Variants in TRMT2A observed in about 807,000 individuals in gnomAD.
The protein encoded by TRMT2A is tRNA (uracil-5-)-methyltransferase homolog A.
Under a neutral mutation model 59.3 loss-of-function variants are expected in TRMT2A, and 60 were observed. The observed-to-expected ratio is 1.01, with a 90% confidence interval of 0.82 to 1.26. The LOEUF (loss-of-function observed/expected upper bound fraction) is 1.26. Ranked by LOEUF, TRMT2A falls within the 50% of genes most tolerant of loss-of-function variation. The pLI is 0.00. For synonymous variants in TRMT2A, 403 were observed against 353.7 expected, an observed-to-expected ratio of 1.14 and a Z score of -1.56; for missense variants, 863 against 845.2, an observed-to-expected ratio of 1.02 and a Z score of -0.26.
chr22:20,117,071 C>G lies in TRMT2A; in HGVS notation c.-165G>C. On this transcript the variant is annotated 5_prime_UTR_variant, in exon 1 of 12. Coordinates refer to ENST00000252136, the MANE Select transcript of TRMT2A (RefSeq NM_022727.6). ...GCGAGGTCGCCGCCACCCCCGGCTTCGCCCCAGGCGGGGCGGGACTCGAAC... is the reference window on the plus strand; with the variant it reads ...GCGAGGTCGCCGCCACCCCCGGCTTGGCCCCAGGCGGGGCGGGACTCGAAC... 1.1e-6 allele frequency: 1 copy of G among 905,784 alleles called. No individual in the cohort carries two copies. The highest frequency in any genetic ancestry group is 1.7e-6 in the Non-Finnish European group (1 of 597,914). The allele number at this position is 905,784 out of a possible 1,614,324, so 56.1% of individuals were successfully genotyped here.
At position 20,116,882 on chromosome 22, in the gene TRMT2A, C is replaced by G; in HGVS notation, c.24+1G>C. On this transcript the variant is annotated splice_donor_variant, in intron 1 of 11. Coordinates refer to ENST00000252136, the MANE Select transcript of TRMT2A (RefSeq NM_022727.6). LOFTEE classifies it high-confidence loss of function. ...CTACCCAGCGTCTCCCCGCACTCTACCTCGTTGTCGAGGTTCTCACTCATC... is the reference window on the plus strand; with the variant it reads ...CTACCCAGCGTCTCCCCGCACTCTAGCTCGTTGTCGAGGTTCTCACTCATC... 6.5e-7 allele frequency: 1 copy of G among 1,542,202 alleles called. No homozygotes were observed. The highest frequency in any genetic ancestry group is 1.7e-5 in the Admixed American group (1 of 57,392).
At chr22:20,113,566 G>A in intron 8 of TRMT2A, 59 bp from the exon 9 acceptor site, 2 of 1,610,650 alleles carry the variant, frequency 1.2e-6, no homozygotes, top group East Asian at 2.2e-5. Context: ...GGGGCCCTGT[G>A]GGCAGCAAAG....
rs1214746925 is a variant in TRMT2A, at chr22:20,112,775, T to TA, written c.1665dup (p.Asn556Ter). On this transcript the variant is annotated frameshift_variant, in exon 12 of 12. Coordinates refer to ENST00000252136, the MANE Select transcript of TRMT2A (RefSeq NM_022727.6). LOFTEE classifies it low-confidence loss of function (END_TRUNC). ...CGGAAGGGAATGCCCTTCACCCGGT[T>TA]AGATGGGGCTCTGCAGAGGCTGTGG... 1 of 1,613,282 alleles carries TA rather than the reference T, an allele frequency of 6.2e-7. No homozygotes were observed. The highest frequency in any genetic ancestry group is 2.2e-5 in the East Asian group (1 of 44,878).
intron 8 of TRMT2A, 65 bp downstream of exon 8, chr22:20,113,621 G>C (rs909242898): frequency 1.3e-6 from 2 of 1,599,176 alleles, no homozygotes; most frequent in African/African-American, 2.7e-5. Context: ...TGGTGACTTT[G>C]AGCTGGGGTC....
At position 20,112,508 on chromosome 22, in the gene TRMT2A, C is replaced by T. The variant is rs533222701; in HGVS notation, c.*55G>A. On this transcript the variant is annotated 3_prime_UTR_variant, in exon 12 of 12. Coordinates refer to ENST00000252136, the MANE Select transcript of TRMT2A (RefSeq NM_022727.6). The stretch of plus-strand genomic sequence containing the variant: ...CCTGGCCAGCAAGCCATGCCTTCCC[C>T]GCCCCTGGGGCCCTGGGAGCCCTTC... The T allele has an allele frequency of 2.0e-4, 312 of 1,567,644 alleles. 1 individual carries two copies. The highest frequency in any genetic ancestry group is 7.4e-4 in the Admixed American group (40 of 54,106).
Position 20,116,886 on chromosome 22 carries a change from G to C in TRMT2A, c.21C>G (p.Asn7Lys). Reference protein sequence around the residue: MSENLDNEGPKPMESCG... With the variant: MSENLDKEGPKPMESCG... ...CCAGCGTCTCCCCGCACTCTACCTC[G>C]TTGTCGAGGTTCTCACTCATCGCCC... Residue 7 changes from asparagine (N) to lysine (K), a missense_variant, in exon 1 of 12, where the codon AAC becomes AAG. Coordinates refer to ENST00000252136, the MANE Select transcript of TRMT2A (RefSeq NM_022727.6). 6.3e-7 allele frequency: 1 copy of C among 1,594,900 alleles called. No homozygotes were observed. Among genetic ancestry groups the C allele is most frequent in the South Asian group, 1.1e-5 (1 of 88,870 alleles).
chr22:20,114,288 A>G (rs574778810), intron 7 of TRMT2A, among the ~76,000 whole-genome samples: 2 of 152,132 alleles, frequency 1.3e-5, no homozygotes, highest in Non-Finnish European at 2.9e-5. Flanking sequence ...CCCAGAGGCC[A>G]CCATGGCCTC....
At chr22:20,113,400 T>TCCCCCCCCCCCCCCCCCGCCCTG in intron 9 of TRMT2A, 32 bp downstream of exon 9, 4 of 1,049,434 alleles carry the variant, frequency 3.8e-6, no homozygotes, top group East Asian at 2.7e-5. Flanking sequence ...GCTGCCCCCA[T>TCCCCCCCCCCCCCCCCCGCCCTG]CCCCACCCCC....
In TRMT2A at chr22:20,117,132, T is replaced by C. The variant is rs1324448531; in HGVS notation, c.-226A>G. 6.8e-6 allele frequency: 4 copies of C among 584,116 alleles called. No homozygotes were observed. Among genetic ancestry groups the C allele is most frequent in the Non-Finnish European group, 5.6e-6 (2 of 355,248 alleles). The allele number at this position is 584,116 out of a possible 1,614,324, so 36.2% of individuals were successfully genotyped here. ...CAGGTCCGGGTCTCAGGCTTGGGGC[T>C]GTACCGCCCGCCCGCCAGGGGCCCG... On this transcript the variant is annotated 5_prime_UTR_variant, in exon 1 of 12. Coordinates refer to ENST00000252136, the MANE Select transcript of TRMT2A (RefSeq NM_022727.6).
chr22:20,115,345 C>T lies in TRMT2A; in HGVS notation c.811G>A (p.Ala271Thr), dbSNP rs1455587549. The T allele has an allele frequency of 1.2e-6, 2 of 1,612,808 alleles. No homozygotes were observed. The highest frequency in any genetic ancestry group is 1.7e-6 in the Non-Finnish European group (2 of 1,180,008). Reference sequence around the variant, plus strand: ...ACGGTGTCAAACGGGGCTGCCACAGCACACGTCCCGCCCTTGTACTTGCCG... The same window carrying T: ...ACGGTGTCAAACGGGGCTGCCACAGTACACGTCCCGCCCTTGTACTTGCCG... ...RLGKYKGGTC[A>T]VAAPFDTVHI... is the part of the protein sequence containing the mutation. Residue 271 changes from alanine to threonine, a missense_variant, in exon 4 of 12, where the codon GCT becomes ACT. Transcript: ENST00000252136.
chr22:20,115,934 C>A (rs949929912), intron 2 of TRMT2A, 104 bp downstream of exon 2: 6 of 1,433,082 alleles, frequency 4.2e-6, no homozygotes, highest in Non-Finnish European at 5.6e-6. Context: ...CCAAAGGGGC[C>A]GCCAGATCCT....
At chr22:20,116,812 C>T (rs759183457) in intron 1 of TRMT2A, 71 bp downstream of exon 1, 42 of 1,472,466 alleles carry the variant, frequency 2.9e-5, no homozygotes, top group Non-Finnish European at 3.1e-5. Flanking sequence ...TATTCTCTGG[C>T]AGGTTTCCTG....
At position 20,112,676 on chromosome 22, in the gene TRMT2A, C is replaced by A. The variant is rs564680017; in HGVS notation, c.1765G>T (p.Val589Leu). ...HCEMLILFER[V>L]EHPNGTGVLG... Reference sequence around the variant, plus strand: ...ACCCCTGTGCCATTGGGGTGCTCCACCCTCTCAAACAGGATGAGCATCTCA... The same window carrying A: ...ACCCCTGTGCCATTGGGGTGCTCCAACCTCTCAAACAGGATGAGCATCTCA... The change falls in exon 12 of 12, where the codon GTG becomes TTG. Residue 589 changes from valine (V) to leucine (L), a missense_variant. Coordinates refer to ENST00000252136, the MANE Select transcript of TRMT2A (RefSeq NM_022727.6). 8 of 1,614,100 alleles carry A rather than the reference C, an allele frequency of 5.0e-6. No individual in the cohort carries two copies. The highest frequency in any genetic ancestry group is 1.7e-5 in the Admixed American group (1 of 60,024).
rs147696162 is a variant in TRMT2A at position 20,112,677 on chromosome 22, C to T, written c.1764G>A (p.Arg588=). Residue 588 remains arginine, a synonymous_variant, in exon 12 of 12, where the codon AGG becomes AGA. Coordinates refer to ENST00000252136, the MANE Select transcript of TRMT2A (RefSeq NM_022727.6). ...PHCEMLILFE[R]VEHPNGTGVL... is the part of the protein sequence containing the mutation. ...CCCCTGTGCCATTGGGGTGCTCCAC[C>T]CTCTCAAACAGGATGAGCATCTCAC... The T allele has an allele frequency of 7.7e-4, 1,249 of 1,614,074 alleles. 10 individuals carry two copies. The African/African-American group carries it at 0.014, about 18-fold the overall frequency.
intron 4 of TRMT2A, 46 bp from the exon 5 acceptor site, chr22:20,115,125 A>G (rs1232771930): frequency 6.4e-7 from 1 of 1,562,944 alleles, no homozygotes; most frequent in African/African-American, 1.4e-5. Flanking sequence ...CTGGGCAAGC[A>G]GTCCCCCTGC....
chr22:20,116,913 G>T lies in TRMT2A; in HGVS notation c.-7C>A. 1 of 1,586,554 alleles carries T rather than the reference G, an allele frequency of 6.3e-7. No individual in the cohort carries two copies. Among genetic ancestry groups the T allele is most frequent in the Non-Finnish European group, 8.6e-7 (1 of 1,166,390 alleles). ...TGTCGAGGTTCTCACTCATCGCCCA[G>T]GCGGTTCTCCGCCTAGACCAGGGAC... On this transcript the variant is annotated 5_prime_UTR_variant, in exon 1 of 12. It adds an upstream start codon to the 5' untranslated region. Transcript: ENST00000252136.
At chr22:20,113,914 GC>G (rs901507949) in intron 7 of TRMT2A, 106 bp from the exon 8 acceptor site, 15 of 1,384,888 alleles carry the variant, frequency 1.1e-5, no homozygotes, top group Non-Finnish European at 1.1e-5. Context: ...GACCTCCGGC[GC>G]CCACTCCCCA....
At position 20,115,672 on chromosome 22, in the gene TRMT2A, C is replaced by G. The variant is rs781727703; in HGVS notation, c.708G>C (p.Gln236His). The change falls in exon 3 of 12, where the codon CAG (glutamine) becomes CAC (histidine). Residue 236 changes from glutamine (Q) to histidine (H), a missense_variant and splice_region_variant. Physicochemically the swap from Gln to His is conservative, Grantham distance 24. Coordinates refer to ENST00000252136, the MANE Select transcript of TRMT2A (RefSeq NM_022727.6). The stretch of plus-strand genomic sequence containing the variant: ...TGTGGCCACCGAAGTCTAGTCTGAC[C>G]TGCTGGGGTGATGGCCTGACCCCCT... ...PLEGVRPSPQ[Q>H]TEYRNKCEFL... 5 of 1,612,884 alleles carry G rather than the reference C, an allele frequency of 3.1e-6. No individual in the cohort carries two copies. Among genetic ancestry groups the G allele is most frequent in the Non-Finnish European group, 8.5e-7 (1 of 1,179,968 alleles).
In TRMT2A at chr22:20,113,523, G is replaced by A. The variant is rs367815986; in HGVS notation, c.1357-16C>T. ...TCTTTACCTTCTGAAACAGGAAAGC[G>A]TGGTGTCGCCCCACCCAGGGAGGGG... On this transcript the variant is annotated splice_polypyrimidine_tract_variant and intron_variant, in intron 8 of 11. Transcript: ENST00000252136. The A allele has an allele frequency of 2.4e-4, 386 of 1,613,352 alleles. 1 individual carries two copies. Among genetic ancestry groups the A allele is most frequent in the Non-Finnish European group, 3.1e-4 (365 of 1,179,894 alleles).
Sources: allele counts gnomAD v4.1 joint callset (sites outside exome capture counted in the v4.1 genomes callset), GRCh38; gene constraint gnomAD v4.1.1; transcripts MANE v1.5; gene names NCBI Gene and HGNC (gene_info 2026-07-23, HGNC 2026-07-21).